The following C1orf159 variants were observed in gnomAD, a reference collection of about 807,000 sequenced individuals.
C1orf159 encodes the protein uncharacterized protein C1orf159.
In C1orf159, 19 loss-of-function variants were observed where a neutral mutation model predicts 25.6. The observed-to-expected ratio is 0.74, with a 90% CI of 0.52 to 1.09. C1orf159 has a LOEUF of 1.09. Among genes scored for constraint, C1orf159 ranks in the 50% least tolerant of loss-of-function variants. C1orf159 has a pLI of 0.00. For synonymous variants in C1orf159, 139 were observed against 124.7 expected (o/e 1.12, Z -0.77); for missense variants, 274 against 290.6 (o/e 0.94, Z 0.42).
intron 1 of C1orf159, among the ~76,000 whole-genome samples, chr1:1,100,074 G>A (rs956707289): frequency 6.6e-6 from 1 of 152,118 alleles, no homozygotes; most frequent in Admixed American, 6.5e-5. Flanking sequence ...TTTACCTTGG[G>A]CAAAAAGGCA....
Position 1,093,107 on chromosome 1 carries a change from G to A in C1orf159, c.-135-1004C>T, listed in dbSNP as rs541528451. On this transcript the variant is annotated intron_variant, in intron 1 of 9. Coordinates refer to ENST00000421241, the MANE Select transcript of C1orf159 (RefSeq NM_017891.5). ...GATGTGAAATCCTTTCAGATGGAAC[G>A]TGTTGAAGTCACAGACATGCTGCTC... Among the ~76,000 whole-genome samples the A allele has an allele frequency of 4.0e-5, 6 of 151,894 alleles. No homozygotes were observed. In the South Asian group the frequency reaches 8.3e-4, roughly 21 times the overall value.
At chr1:1,097,269 G>A (rs1249930347) in intron 1 of C1orf159, among the ~76,000 whole-genome samples, 1 of 151,898 alleles carries the variant, frequency 6.6e-6, no homozygotes, top group Non-Finnish European at 1.5e-5. Context: ...ACCATGCCTG[G>A]CTAATTTTTG....
intron 1 of C1orf159, among the ~76,000 whole-genome samples, chr1:1,096,701 T>C (rs1207141926): frequency 6.6e-6 from 1 of 152,192 alleles, no homozygotes; most frequent in African/African-American, 2.4e-5. Context: ...AATTGCTACA[T>C]TTACTGGCCT....
intron 1 of C1orf159, among the ~76,000 whole-genome samples, chr1:1,109,109 C>T (rs112722580): frequency 1.1e-5 from 1 of 91,094 alleles, no homozygotes; most frequent in Non-Finnish European, 2.0e-5. Flanking sequence ...GCATTGTTCA[C>T]CACAGCCAAA....
At chr1:1,114,574 C>T (rs548851163) in intron 1 of C1orf159, among the ~76,000 whole-genome samples, 1 of 152,308 alleles carries the variant, frequency 6.6e-6, no homozygotes, top group Admixed American at 6.5e-5. Context: ...TGTGGAAACA[C>T]CTGCCTGACT....
intron 1 of C1orf159, among the ~76,000 whole-genome samples, chr1:1,095,087 A>G (rs1477270723): frequency 6.6e-6 from 1 of 152,230 alleles, no homozygotes; most frequent in African/African-American, 2.4e-5. Context: ...CTGTGTGTCT[A>G]TTCTTCAGGG....
At chr1:1,114,491 C>G (rs889606763) in intron 1 of C1orf159, among the ~76,000 whole-genome samples, 13 of 152,204 alleles carry the variant, frequency 8.5e-5, no homozygotes, top group Non-Finnish European at 1.9e-4. Context: ...AGCCGCAAGG[C>G]AGGGAGCAGC....
At chr1:1,096,342 A>AT (rs61512187) in intron 1 of C1orf159, among the ~76,000 whole-genome samples, 1 of 151,030 alleles carries the variant, frequency 6.6e-6, no homozygotes, top group Non-Finnish European at 1.5e-5. Context: ...TACAGGTATA[A>AT]TTTTTTTTGT....
Position 1,090,745 on chromosome 1 carries a change from C to T in C1orf159, c.73-317G>A, listed in dbSNP as rs183565934. On this transcript the variant is annotated intron_variant, in intron 3 of 9. Coordinates refer to ENST00000421241, the MANE Select transcript of C1orf159 (RefSeq NM_017891.5). ...GCCACCGACATTCTCTGCAAGTCTC[C>T]GGAGGCTCTCCATCAGGGGTTTCCG... 3.2e-3 allele frequency: 2,669 copies of T among 846,876 alleles called. 3 individuals carry two copies. The highest frequency in any genetic ancestry group is 5.0e-3 in the Admixed American group (248 of 49,878). 52.5% of individuals were successfully genotyped at this position (846,876 alleles called of 1,614,324 possible).
At chr1:1,107,950 G>C (rs562727056) in intron 1 of C1orf159, among the ~76,000 whole-genome samples, 1 of 152,170 alleles carries the variant, frequency 6.6e-6, no homozygotes, top group Non-Finnish European at 1.5e-5. Flanking sequence ...ACAAACTCCG[G>C]ACACACCATC....
Position 1,110,164 on chromosome 1 carries a change from C to T in C1orf159, c.-136+5896G>A, listed in dbSNP as rs897079694. On this transcript the variant is annotated intron_variant, in intron 1 of 9. Transcript: ENST00000421241. The surrounding 1 kb of genome is among the most constrained non-coding windows in gnomAD (Gnocchi z 4.8). ...CCGCAGAGTCTGTCAGTCTCGTGAT[C>T]TCCACTTTAACACTAATGTTGGTCA... 2.6e-5 allele frequency among the ~76,000 whole-genome samples: 4 copies of T among 152,202 alleles called. No homozygotes were observed. The highest frequency in any genetic ancestry group is 5.9e-5 in the Non-Finnish European group (4 of 68,048).
intron 1 of C1orf159, among the ~76,000 whole-genome samples, chr1:1,102,335 C>T (rs189654465): frequency 6.6e-6 from 1 of 151,624 alleles, no homozygotes; most frequent in East Asian, 1.9e-4. Context: ...GTCCCAGAGG[C>T]TCTGTTCATG....
At position 1,110,726 on chromosome 1, in the gene C1orf159, A is replaced by C. The variant is rs1380500410; in HGVS notation, c.-136+5334T>G. Reference sequence around the variant, plus strand: ...AAACACGTGCACAAAAATAGGCCCAACTCTTCAGACAGCGGAAACCCACCC... The same window carrying C: ...AAACACGTGCACAAAAATAGGCCCACCTCTTCAGACAGCGGAAACCCACCC... On this transcript the variant is annotated intron_variant, in intron 1 of 9. Coordinates refer to ENST00000421241, the MANE Select transcript of C1orf159 (RefSeq NM_017891.5). This position sits in a 1 kb window ranked among gnomAD's most constrained non-coding sequence, Gnocchi z 4.8. 6.6e-6 allele frequency among the ~76,000 whole-genome samples: 1 copy of C among 152,136 alleles called. No homozygotes were observed. The highest frequency in any genetic ancestry group is 1.5e-5 in the Non-Finnish European group (1 of 68,022).
rs199666720 is a variant in C1orf159, at chr1:1,087,107, G to A, written c.310+32C>T. ...GACGGCCCCCAGCCCCCAGGACACC[G>A]GCAGAGGTGGCTGTGGCCTGCTGAG... On this transcript the variant is annotated intron_variant, in intron 6 of 9. Transcript: ENST00000421241. The surrounding 1 kb of genome is among the most constrained non-coding windows in gnomAD (Gnocchi z 8.3). 3.9e-4 allele frequency: 617 copies of A among 1,595,034 alleles called. 4 individuals are homozygous for A. In the African/African-American group the frequency reaches 6.1e-3, roughly 16 times the overall value.
At chr1:1,086,830 G>A (rs1381992411) in intron 6 of C1orf159, among the ~76,000 whole-genome samples, 2 of 151,932 alleles carry the variant, frequency 1.3e-5, no homozygotes, top group African/African-American at 4.8e-5. Flanking sequence ...CGGTGTGGCC[G>A]TGAGCCATGA....
At position 1,104,135 on chromosome 1, in the gene C1orf159, C is replaced by T. The variant is rs996638500; in HGVS notation, c.-136+11925G>A. Among the ~76,000 whole-genome samples the T allele has an allele frequency of 5.3e-5, 8 of 152,128 alleles. No individual in the cohort carries two copies. The South Asian group carries it at 1.4e-3, about 28-fold the overall frequency. Reference sequence around the variant, plus strand: ...CACGAGTAGCTGGGATTACAGGCACCTGCCACCACACCTGGCTAATTTTTT... The same window carrying T: ...CACGAGTAGCTGGGATTACAGGCACTTGCCACCACACCTGGCTAATTTTTT... On this transcript the variant is annotated intron_variant, in intron 1 of 9. Transcript: ENST00000421241.
intron 1 of C1orf159, among the ~76,000 whole-genome samples, chr1:1,098,672 G>A (rs1646044417): frequency 6.6e-6 from 1 of 152,172 alleles, no homozygotes; most frequent in Admixed American, 6.5e-5. Context: ...AGGCTGGGGT[G>A]CAGTGGCACG....
At chr1:1,085,389 T>G in intron 7 of C1orf159, 1 of 320,118 alleles carries the variant, frequency 3.1e-6, no homozygotes, top group South Asian at 2.3e-5. Context: ...CAAGGCCGTC[T>G]CTCCAGTGGG....
rs770832207 is a variant in C1orf159 at position 1,110,706 on chromosome 1, C to G, written c.-136+5354G>C. ...AGAAACAACACACGCCCGCCAAACACGTGCACAAAAATAGGCCCAACTCTT... is the reference window on the plus strand; with the variant it reads ...AGAAACAACACACGCCCGCCAAACAGGTGCACAAAAATAGGCCCAACTCTT... On this transcript the variant is annotated intron_variant, in intron 1 of 9. Transcript: ENST00000421241. This position sits in a 1 kb window ranked among gnomAD's most constrained non-coding sequence, Gnocchi z 4.8. 6.6e-6 allele frequency among the ~76,000 whole-genome samples: 1 copy of G among 152,184 alleles called. No individual in the cohort carries two copies. Among genetic ancestry groups the G allele is most frequent in the Non-Finnish European group, 1.5e-5 (1 of 68,038 alleles).
Sources: gnomAD v4.1 joint callset for allele counts (sites outside exome capture counted in the v4.1 genomes callset) on GRCh38, gnomAD v4.1.1 for gene constraint, Gnocchi (gnomAD v3.1) non-coding constraint, MANE v1.5 for transcripts, NCBI Gene and HGNC (gene_info 2026-07-23, HGNC 2026-07-21) for gene names.